CMSS1: variants seen among roughly 807,000 people sequenced by gnomAD.
CMSS1 encodes cms1 ribosomal small subunit homolog.
In CMSS1, 33 loss-of-function variants were observed where a neutral mutation model predicts 43.5. The observed-to-expected ratio is 0.76, with a 90% CI of 0.57 to 1.01. The LOEUF is 1.01. Ranked by LOEUF, CMSS1 falls within the 50% of genes least tolerant of loss-of-function variation. CMSS1 has a pLI of 0.00. For synonymous variants in CMSS1, 115 were observed against 117.2 expected (o/e 0.98, Z 0.12); for missense variants, 313 against 326.4 (o/e 0.96, Z 0.32).
intron 1 of CMSS1, among the ~76,000 whole-genome samples, chr3:99,871,612 T>C (rs1944789819): frequency 6.6e-6 from 1 of 152,166 alleles, no homozygotes; most frequent in Non-Finnish European, 1.5e-5. Flanking sequence ...TCTGCAGTTT[T>C]GGGGGAGGTT....
At chr3:100,111,876 C>T (rs1447856157) in intron 1 of CMSS1, among the ~76,000 whole-genome samples, 1 of 152,180 alleles carries the variant, frequency 6.6e-6, no homozygotes, top group African/African-American at 2.4e-5. Flanking sequence ...GAGATGGTAT[C>T]TAAAATTGTC....
chr3:99,926,709 G>A (rs1707303760), intron 1 of CMSS1, among the ~76,000 whole-genome samples: 1 of 152,150 alleles, frequency 6.6e-6, no homozygotes, highest in Non-Finnish European at 1.5e-5. Context: ...GTATTTCCTT[G>A]GAGAGCTTGT....
intron 1 of CMSS1, among the ~76,000 whole-genome samples, chr3:99,920,751 A>C (rs1198087215): frequency 6.6e-6 from 1 of 152,164 alleles, no homozygotes; most frequent in African/African-American, 2.4e-5. Context: ...TCAATGTGTG[A>C]CATCAGTCTC....
chr3:99,849,194 A>G (rs1196592637), intron 1 of CMSS1: 3 of 1,613,970 alleles, frequency 1.9e-6, no homozygotes, highest in Admixed American at 1.7e-5. Flanking sequence ...CTCTCCTCAT[A>G]TAACTGACCA....
chr3:100,080,849 A>G (rs901484343), intron 1 of CMSS1, among the ~76,000 whole-genome samples: 6 of 152,214 alleles, frequency 3.9e-5, no homozygotes, highest in African/African-American at 1.4e-4. Context: ...CTATTTTAGG[A>G]TGGATGTGTA....
intron 1 of CMSS1, among the ~76,000 whole-genome samples, chr3:99,988,511 C>CA (rs757175318): frequency 0.2 from 9,372 of 47,600 alleles, 929 homozygotes; most frequent in African/African-American, 0.34. Context: ...GACTCCATCT[C>CA]AAAAAAAAAA....
intron 1 of CMSS1, among the ~76,000 whole-genome samples, chr3:99,894,143 A>G (rs570349217): frequency 6.6e-6 from 1 of 152,360 alleles, no homozygotes; most frequent in African/African-American, 2.4e-5. Context: ...GCTTTAAGAC[A>G]ATTACAGCTA....
intron 5 of CMSS1, 84 bp downstream of exon 5, chr3:100,166,478 G>A (rs1472905036): frequency 2.3e-6 from 2 of 880,146 alleles, no homozygotes; most frequent in Non-Finnish European, 3.7e-6. Context: ...TCTCGTTTTT[G>A]TTTTATAACA....
At chr3:100,015,325 A>T (rs978012960) in intron 1 of CMSS1, among the ~76,000 whole-genome samples, 5 of 152,124 alleles carry the variant, frequency 3.3e-5, no homozygotes, top group African/African-American at 1.2e-4. Context: ...ATCAGGTAGT[A>T]TGATGCTTCA....
intron 1 of CMSS1, among the ~76,000 whole-genome samples, chr3:100,006,153 A>G (rs1709978957): frequency 6.6e-6 from 1 of 152,170 alleles, no homozygotes; most frequent in Non-Finnish European, 1.5e-5. Context: ...GCAGGTAGGT[A>G]TACTGGTGGT....
At chr3:99,947,573 A>G (rs549314596) in intron 1 of CMSS1, among the ~76,000 whole-genome samples, 1 of 152,336 alleles carries the variant, frequency 6.6e-6, no homozygotes, top group Admixed American at 6.5e-5. Flanking sequence ...GTCCATGAGA[A>G]CTGTCCTCGG....
intron 1 of CMSS1, chr3:100,075,444 A>C (rs1434129784): frequency 6.6e-6 from 1 of 152,184 alleles, no homozygotes; most frequent in African/African-American, 2.4e-5. Context: ...GGAAGACCAT[A>C]ATTTGTTCTT....
chr3:100,084,263 C>A (rs564093114), intron 1 of CMSS1, among the ~76,000 whole-genome samples: 6 of 151,976 alleles, frequency 3.9e-5, no homozygotes, highest in Non-Finnish European at 5.9e-5. Context: ...TTTAAAAGTC[C>A]CTTTTAGTCT....
intron 1 of CMSS1, among the ~76,000 whole-genome samples, chr3:100,145,536 A>G (rs1040269987): frequency 3.3e-5 from 5 of 152,184 alleles, no homozygotes; most frequent in African/African-American, 1.2e-4. Flanking sequence ...ACTCTAAGGA[A>G]TTGGCTCACA....
At chr3:100,064,390 C>G (rs576421260) in intron 1 of CMSS1, among the ~76,000 whole-genome samples, 10 of 152,068 alleles carry the variant, frequency 6.6e-5, no homozygotes, top group Admixed American at 2.0e-4. Flanking sequence ...CCTGACCCCC[C>G]CAACACCCTT....
At chr3:100,122,225 G>T (rs2066627756) in intron 1 of CMSS1, among the ~76,000 whole-genome samples, 1 of 152,222 alleles carries the variant, frequency 6.6e-6, no homozygotes, top group Non-Finnish European at 1.5e-5. Flanking sequence ...AGAACCCACT[G>T]CAGGGCTTCC....
intron 1 of CMSS1, among the ~76,000 whole-genome samples, chr3:99,825,141 A>G (rs567310274): frequency 1.4e-4 from 21 of 152,340 alleles, no homozygotes; most frequent in African/African-American, 4.6e-4. Flanking sequence ...TAAAATTCAG[A>G]CTTGGAATAT....
intron 1 of CMSS1, among the ~76,000 whole-genome samples, chr3:100,146,385 C>G (rs1278452461): frequency 6.6e-6 from 1 of 152,162 alleles, no homozygotes. Flanking sequence ...GATGTCAAGG[C>G]CTGGCTGGTT....
At chr3:100,028,137 C>A (rs2064960948) in intron 1 of CMSS1, among the ~76,000 whole-genome samples, 1 of 152,168 alleles carries the variant, frequency 6.6e-6, no homozygotes, top group Admixed American at 6.5e-5. Flanking sequence ...TGCCAGGCAG[C>A]ATGCTAATTG....
Sources: allele counts gnomAD v4.1 joint callset (sites outside exome capture counted in the v4.1 genomes callset), GRCh38; gene constraint gnomAD v4.1.1; transcripts MANE v1.5; gene names NCBI Gene and HGNC (gene_info 2026-07-23, HGNC 2026-07-21).